The following KLRF1 variants were observed in gnomAD, a reference collection of about 807,000 sequenced individuals.
KLRF1 encodes the protein killer cell lectin like receptor F1, also known as killer cell lectin-like receptor subfamily F member 1.
A neutral mutation model predicts 30.7 loss-of-function variants in KLRF1; 27 were observed. The observed-to-expected ratio is 0.88, with a 90% CI of 0.65 to 1.21. The LOEUF (loss-of-function observed/expected upper bound fraction) is 1.21, where lower values mean the gene tolerates loss of function less well. Ranked by LOEUF, KLRF1 falls within the 50% of genes most tolerant of loss-of-function variation. KLRF1 has a pLI of 0.00. For synonymous variants in KLRF1, 92 were observed against 89.3 expected (o/e 1.03, Z -0.17); for missense variants, 246 against 259.3 (o/e 0.95, Z 0.35).
chr12:9,805,808 GT>G, the KLRF1 span, among the ~76,000 whole-genome samples: 1 of 151,976 alleles, frequency 6.6e-6, no homozygotes, highest in Non-Finnish European at 1.5e-5. Context: ...ATACTTGATT[GT>G]TTGTATTACT....
upstream of KLRF1, among the ~76,000 whole-genome samples, chr12:9,825,825 A>G (rs1206301019): frequency 6.6e-6 from 1 of 152,196 alleles, no homozygotes; most frequent in Non-Finnish European, 1.5e-5. Context: ...ATCAACAAGC[A>G]AAAAATAAAC....
chr12:9,842,005 C>CGGCCGGGCGCGGTGGCTCACGCCTGTAA, intron 4 of KLRF1, 54 bp downstream of exon 4: 1 of 1,500,484 alleles, frequency 6.7e-7, no homozygotes, highest in Non-Finnish European at 9.0e-7. Flanking sequence ...AATGGCTTTC[C>CGGCCGGGCGCGGTGGCTCACGCCTGTAA]TCAAATATCT....
chr12:9,838,568 TC>T (rs753411179), intron 3 of KLRF1, among the ~76,000 whole-genome samples: 11 of 152,102 alleles, frequency 7.2e-5, no homozygotes, highest in Non-Finnish European at 1.3e-4. Flanking sequence ...CAGTCAATCT[TC>T]CCTGCCAGTG....
the KLRF1 span, among the ~76,000 whole-genome samples, chr12:9,817,173 A>G: frequency 6.6e-6 from 1 of 152,206 alleles, no homozygotes; most frequent in South Asian, 2.1e-4. Flanking sequence ...GTTAAGGTCA[A>G]TCATGGTTAA....
chr12:9,814,680 C>T, the KLRF1 span, among the ~76,000 whole-genome samples: 5 of 152,214 alleles, frequency 3.3e-5, no homozygotes, highest in Non-Finnish European at 5.9e-5. Flanking sequence ...CCACAAGTGC[C>T]CAAGTGCATC....
chr12:9,801,862 A>G, the KLRF1 span, among the ~76,000 whole-genome samples: 1 of 152,062 alleles, frequency 6.6e-6, no homozygotes, highest in Non-Finnish European at 1.5e-5. Context: ...ATTAGATCCC[A>G]TTTGTCAATT....
chr12:9,842,439 T>C lies in KLRF1; in HGVS notation c.587+6T>C. 1.2e-6 allele frequency: 2 copies of C among 1,610,540 alleles called. No homozygotes were observed. The highest frequency in any genetic ancestry group is 1.7e-6 in the Non-Finnish European group (2 of 1,178,092). Reference sequence around the variant, plus strand: ...TCTCCAATAGATTCAAAGATGTGAGTCTTTCTTAAAAGGCAATCTGATTTA... The same window carrying C: ...TCTCCAATAGATTCAAAGATGTGAGCCTTTCTTAAAAGGCAATCTGATTTA... On this transcript the variant is annotated splice_donor_region_variant and intron_variant, in intron 5 of 5. Coordinates refer to ENST00000617889, the MANE Select transcript of KLRF1 (RefSeq NM_016523.3).
chr12:9,802,879 T>C, the KLRF1 span, among the ~76,000 whole-genome samples: 1 of 151,996 alleles, frequency 6.6e-6, no homozygotes, highest in Non-Finnish European at 1.5e-5. Flanking sequence ...AAAATGGCCA[T>C]ACTGCCCAAG....
At chr12:9,821,623 T>A in the KLRF1 span, among the ~76,000 whole-genome samples, 2 of 151,916 alleles carry the variant, frequency 1.3e-5, no homozygotes, top group Non-Finnish European at 2.9e-5. Context: ...CCACAACCAC[T>A]CCTAAGGTCC....
the KLRF1 span, among the ~76,000 whole-genome samples, chr12:9,809,608 C>T: frequency 1.3e-5 from 2 of 152,066 alleles, no homozygotes; most frequent in Admixed American, 1.3e-4. Flanking sequence ...TTACTGGCTC[C>T]AGAAGGCAGA....
chr12:9,833,604 A>T (rs1830869583), intron 3 of KLRF1, 152 bp downstream of exon 3: 1 of 561,380 alleles, frequency 1.8e-6, no homozygotes, highest in Admixed American at 4.2e-5. Flanking sequence ...AGGTATCTTT[A>T]AACTTGTTGC....
Position 9,833,319 on chromosome 12 carries a change from G to C in KLRF1, c.201G>C (p.Leu67Phe). 1.2e-6 allele frequency: 2 copies of C among 1,601,728 alleles called. No individual in the cohort carries two copies. Among genetic ancestry groups the C allele is most frequent in the South Asian group, 2.2e-5 (2 of 88,890 alleles). ...SLILLVSQGV[L>F]LKCQKGSCSN... ...GTATTCAAGTTTCTCAGGGAGTATT[G>C]CTAAAATGCCAAAAAGGAAGTTGTT... is the stretch of plus-strand genomic sequence containing the variant. Residue 67 changes from leucine to phenylalanine, a missense_variant, in exon 3 of 6, where the codon TTG becomes TTC. By Grantham distance (22) the Leu-to-Phe change is conservative. Coordinates refer to ENST00000617889, the MANE Select transcript of KLRF1 (RefSeq NM_016523.3).
chr12:9,830,089 C>T (rs754491096), intron 1 of KLRF1, among the ~76,000 whole-genome samples: 5 of 151,932 alleles, frequency 3.3e-5, no homozygotes, highest in East Asian at 1.9e-4. Context: ...ACTCAGTTTT[C>T]GGTTAGTTTT....
intron 3 of KLRF1, among the ~76,000 whole-genome samples, chr12:9,838,211 A>G (rs930224118): frequency 2.0e-5 from 3 of 152,120 alleles, no homozygotes; most frequent in Non-Finnish European, 2.9e-5. Context: ...TCTAGTAGAC[A>G]TCCACTCTTT....
chr12:9,803,193 A>G, the KLRF1 span, among the ~76,000 whole-genome samples: 1 of 152,158 alleles, frequency 6.6e-6, no homozygotes. Context: ...CAAACCTGAC[A>G]AAAATAAGCA....
intron 3 of KLRF1, among the ~76,000 whole-genome samples, chr12:9,838,456 C>T (rs1405453182): frequency 6.6e-6 from 1 of 152,026 alleles, no homozygotes; most frequent in South Asian, 2.1e-4. Context: ...CGGTTGTCCC[C>T]CAAGACTATT....
At chr12:9,810,439 A>G in the KLRF1 span, among the ~76,000 whole-genome samples, 1 of 131,986 alleles carries the variant, frequency 7.6e-6, no homozygotes, top group South Asian at 3.2e-4. Flanking sequence ...TCACAAACTT[A>G]ATGACTATAT....
intron 3 of KLRF1, among the ~76,000 whole-genome samples, chr12:9,837,317 T>C (rs1867599306): frequency 6.6e-6 from 1 of 151,754 alleles, no homozygotes; most frequent in Admixed American, 6.6e-5. Context: ...TGTATATCTA[T>C]AAATATAGAT....
chr12:9,841,695 G>C, intron 3 of KLRF1, 117 bp from the exon 4 acceptor site: 1 of 694,854 alleles, frequency 1.4e-6, no homozygotes. Context: ...TTTGCTATAA[G>C]TGATTTTATT....
Sources: allele counts gnomAD v4.1 joint callset (sites outside exome capture counted in the v4.1 genomes callset), GRCh38; gene constraint gnomAD v4.1.1; transcripts MANE v1.5; gene names NCBI Gene and HGNC (gene_info 2026-07-23, HGNC 2026-07-21).